The following CNTN1 variants were observed in gnomAD, a reference collection of about 807,000 sequenced individuals.
CNTN1 encodes contactin 1.
A neutral mutation model predicts 126.4 loss-of-function variants in CNTN1; 38 were observed. The observed-to-expected ratio is 0.30, with a 90% CI of 0.23 to 0.39. The LOEUF is 0.39. Among genes scored for constraint, CNTN1 ranks in the 10% least tolerant of loss-of-function variants. The probability of loss-of-function intolerance (pLI) is 1.00; values close to 1 mark genes in which losing one functional copy is unlikely to be tolerated. For synonymous variants in CNTN1, 413 were observed against 422.6 expected, an observed-to-expected ratio of 0.98 and a Z score of 0.28; for missense variants, 1,009 against 1,248.4, an observed-to-expected ratio of 0.81 and a Z score of 2.89.
intron 1 of CNTN1, among the ~76,000 whole-genome samples, chr12:40,861,399 A>T (rs1943111165): frequency 6.6e-6 from 1 of 152,186 alleles, no homozygotes. Context: ...TTAAAAAAAA[A>T]GTAGAAATGT....
intron 3 of CNTN1, among the ~76,000 whole-genome samples, chr12:40,917,750 G>A (rs924426656): frequency 6.6e-6 from 1 of 152,120 alleles, no homozygotes; most frequent in African/African-American, 2.4e-5. Flanking sequence ...CGCAGTGGTG[G>A]CATGTGAATG....
At chr12:40,741,281 G>C (rs1428528434) in intron 1 of CNTN1, among the ~76,000 whole-genome samples, 1 of 152,052 alleles carries the variant, frequency 6.6e-6, no homozygotes, top group Non-Finnish European at 1.5e-5. Context: ...CTTTAAATCA[G>C]CTTTAATAAA....
At chr12:40,998,266 G>A (rs1283270382) in intron 17 of CNTN1, among the ~76,000 whole-genome samples, 1 of 152,110 alleles carries the variant, frequency 6.6e-6, no homozygotes, top group Non-Finnish European at 1.5e-5. Context: ...AACTGGTTTG[G>A]ATTCTTCATA....
chr12:40,877,226 C>T (rs1037039313), intron 1 of CNTN1, among the ~76,000 whole-genome samples: 1 of 152,128 alleles, frequency 6.6e-6, no homozygotes, highest in African/African-American at 2.4e-5. Flanking sequence ...AGACAGTTTT[C>T]CACAGAAAAG....
intron 23 of CNTN1, among the ~76,000 whole-genome samples, chr12:41,045,525 C>T (rs1435162629): frequency 6.6e-6 from 1 of 152,050 alleles, no homozygotes; most frequent in African/African-American, 2.4e-5. Flanking sequence ...TTACTGGAAG[C>T]CTTTAATGCC....
intron 17 of CNTN1, among the ~76,000 whole-genome samples, chr12:41,000,679 TA>T (rs1253535416): frequency 7.2e-5 from 11 of 152,280 alleles, no homozygotes. Context: ...GTTTATTATA[TA>T]ATGTAAACTT....
chr12:40,896,744 G>C (rs1944428751), intron 1 of CNTN1, among the ~76,000 whole-genome samples: 1 of 152,102 alleles, frequency 6.6e-6, no homozygotes, highest in African/African-American at 2.4e-5. Context: ...AAGTGGCCTT[G>C]CATTTAAAAA....
At chr12:40,986,144 A>G (rs944928288) in intron 16 of CNTN1, among the ~76,000 whole-genome samples, 1 of 152,260 alleles carries the variant, frequency 6.6e-6, no homozygotes, top group Middle Eastern at 3.4e-3. Context: ...ACATTTTTAC[A>G]TACTTAACAT....
At chr12:40,749,341 C>T (rs1460807596) in intron 1 of CNTN1, among the ~76,000 whole-genome samples, 3 of 152,078 alleles carry the variant, frequency 2.0e-5, no homozygotes, top group African/African-American at 2.4e-5. Flanking sequence ...CACCACAATT[C>T]ACTGATTTCT....
intron 1 of CNTN1, among the ~76,000 whole-genome samples, chr12:40,783,494 C>CTTT (rs1939885549): frequency 6.6e-6 from 1 of 152,068 alleles, no homozygotes; most frequent in African/African-American, 2.4e-5. Flanking sequence ...AGATTAAAGG[C>CTTT]TGATCATCAG....
At position 41,027,846 on chromosome 12, in the gene CNTN1, A is replaced by C. The variant is rs1352828454; in HGVS notation, c.2711-11A>C. On this transcript the variant is annotated splice_polypyrimidine_tract_variant and intron_variant, in intron 21 of 23. Coordinates refer to ENST00000551295, the MANE Select transcript of CNTN1 (RefSeq NM_001843.4). ...TAGTGACCACTGATTGCATATTACT[A>C]CTTTTCACAGCTCCTAGCCAGCCTC... is the stretch of plus-strand genomic sequence containing the variant. 1 of 1,551,986 alleles carries C rather than the reference A, an allele frequency of 6.4e-7. No homozygotes were observed. The highest frequency in any genetic ancestry group is 8.9e-7 in the Non-Finnish European group (1 of 1,123,604).
intron 1 of CNTN1, among the ~76,000 whole-genome samples, chr12:40,835,801 C>T (rs1476531350): frequency 3.1e-5 from 2 of 64,048 alleles, no homozygotes; most frequent in Non-Finnish European, 6.3e-5. Context: ...GCTATTTATA[C>T]ACACACACAC....
intron 23 of CNTN1, among the ~76,000 whole-genome samples, chr12:41,033,811 A>G (rs1443072229): frequency 2.6e-5 from 4 of 151,342 alleles, no homozygotes; most frequent in Non-Finnish European, 5.9e-5. Context: ...GGCCGAGGCA[A>G]GCGGATCGCG....
At chr12:40,926,026 C>T (rs1945674111) in intron 6 of CNTN1, among the ~76,000 whole-genome samples, 2 of 151,480 alleles carry the variant, frequency 1.3e-5, no homozygotes, top group African/African-American at 2.4e-5. Context: ...ATTTGTTATA[C>T]AGCAGGCACA....
intron 1 of CNTN1, among the ~76,000 whole-genome samples, chr12:40,718,629 C>A (rs73110836): frequency 5.9e-5 from 9 of 152,268 alleles, no homozygotes; most frequent in African/African-American, 1.7e-4. Flanking sequence ...CTAAAGTGTT[C>A]TAAAACCCAT....
chr12:40,762,874 G>C (rs1357761463), intron 1 of CNTN1, among the ~76,000 whole-genome samples: 1 of 152,198 alleles, frequency 6.6e-6, no homozygotes, highest in East Asian at 1.9e-4. Context: ...TTAAAATATA[G>C]TTTGAATATT....
chr12:40,709,554 G>C (rs1941857909), intron 1 of CNTN1, among the ~76,000 whole-genome samples: 1 of 152,176 alleles, frequency 6.6e-6, no homozygotes, highest in Admixed American at 6.5e-5. Flanking sequence ...AGCTCTGAAA[G>C]TCCTAGATGG....
intron 23 of CNTN1, among the ~76,000 whole-genome samples, chr12:41,067,177 C>T (rs1009762631): frequency 6.6e-6 from 1 of 152,080 alleles, no homozygotes; most frequent in African/African-American, 2.4e-5. Flanking sequence ...AAGATGAAGA[C>T]CAAAATTACA....
intron 1 of CNTN1, among the ~76,000 whole-genome samples, chr12:40,704,617 A>G (rs1355140305): frequency 1.3e-5 from 2 of 152,156 alleles, no homozygotes; most frequent in African/African-American, 4.8e-5. Context: ...TTAGAATACT[A>G]CCTTGCTTAT....
Sources: gnomAD v4.1 joint callset for allele counts (sites outside exome capture counted in the v4.1 genomes callset) on GRCh38, gnomAD v4.1.1 for gene constraint, MANE v1.5 for transcripts, NCBI Gene and HGNC (gene_info 2026-07-23, HGNC 2026-07-21) for gene names.